ZNF611: variants seen among roughly 807,000 people sequenced by gnomAD.
ZNF611 encodes zinc finger protein 611.
A neutral mutation model predicts 8.9 loss-of-function variants in ZNF611; 6 were observed. That is an observed-to-expected ratio of 0.68 (90% CI 0.37 to 1.34). The LOEUF (loss-of-function observed/expected upper bound fraction) is 1.34. ZNF611 is among the 40% of genes most tolerant of loss of function. ZNF611 has a pLI of 0.02. For missense variants in ZNF611, 874 were observed against 841.3 expected (o/e 1.04, Z -0.48); for synonymous variants, 262 against 279.7 (o/e 0.94, Z 0.63).
intron 1 of ZNF611, among the ~76,000 whole-genome samples, chr19:52,731,363 T>C (rs1365779318): frequency 6.6e-6 from 1 of 151,834 alleles, no homozygotes; most frequent in Non-Finnish European, 1.5e-5. Context: ...GCTTTGATGT[T>C]CCTTTCTTTT....
In ZNF611 at chr19:52,705,038, T is replaced by C. The variant is rs1171348978; in HGVS notation, c.2017A>G (p.Thr673Ala). The C allele has an allele frequency of 6.2e-7, 1 of 1,614,014 alleles. No homozygotes were observed. The highest frequency in any genetic ancestry group is 8.5e-7 in the Non-Finnish European group (1 of 1,179,982). Residue 673 changes from threonine to alanine, a missense_variant, in exon 6 of 6, where the codon ACT (threonine) becomes GCT (alanine). Transcript: ENST00000652185. ...SLLSRHTRIHTAEKPYKCNEC... is the reference protein window; with the variant it reads ...SLLSRHTRIHAAEKPYKCNEC... ...TTACACTTGTAAGGTTTCTCTGCAG[T>C]GTGAATTCTGGTATGTCTTGACAGG...
chr19:52,716,051 T>A, intron 3 of ZNF611, 138 bp from the exon 4 acceptor site: 1 of 967,754 alleles, frequency 1.0e-6, no homozygotes, highest in African/African-American at 1.6e-5. Flanking sequence ...CATGCAGAGA[T>A]AAGGAAGTCC....
intron 2 of ZNF611, among the ~76,000 whole-genome samples, chr19:52,729,492 C>CAAAAAAAAAAAAAAAAAAAAAAAA (rs397859789): frequency 1.2e-3 from 51 of 42,356 alleles, no homozygotes; most frequent in Admixed American, 1.4e-3. Flanking sequence ...GACTCCATCT[C>CAAAAAAAAAAAAAAAAAAAAAAAA]AAAAAAAAAA....
chr19:52,730,390 TCAAAAAAA>T (rs2062418105), intron 1 of ZNF611, among the ~76,000 whole-genome samples: 2 of 27,996 alleles, frequency 7.1e-5, no homozygotes, highest in Middle Eastern at 0.053. Context: ...AGACTCCGTC[TCAAAAAAA>T]AAAAAAAAAA....
intron 3 of ZNF611, 65 bp from the exon 4 acceptor site, chr19:52,715,978 AC>A: frequency 6.3e-7 from 1 of 1,578,862 alleles, no homozygotes; most frequent in African/African-American, 1.3e-5. Flanking sequence ...TGACAAAAAC[AC>A]ACGAACGGGG....
intron 3 of ZNF611, among the ~76,000 whole-genome samples, chr19:52,716,817 G>T (rs546936600): frequency 2.0e-5 from 3 of 152,250 alleles, no homozygotes; most frequent in East Asian, 3.9e-4. Context: ...AGCACTGTGG[G>T]AGGCCAAGGC....
chr19:52,712,059 G>C (rs933639340), intron 5 of ZNF611, among the ~76,000 whole-genome samples: 2 of 152,088 alleles, frequency 1.3e-5, no homozygotes, highest in African/African-American at 4.8e-5. Flanking sequence ...TACAATATGG[G>C]CAAGGGACAA....
rs542030417 is a variant in ZNF611, at chr19:52,718,495, T to C, written c.-19-2582A>G. Reference sequence around the variant, plus strand: ...ACTCCAGCCTGGACAGCAGTAAGAGTGTCTCAAAAAAACAGAAATTAAAGG... The same window carrying C: ...ACTCCAGCCTGGACAGCAGTAAGAGCGTCTCAAAAAAACAGAAATTAAAGG... On this transcript the variant is annotated intron_variant, in intron 3 of 5. Coordinates refer to ENST00000652185, the MANE Select transcript of ZNF611 (RefSeq NM_001161499.2). Among the ~76,000 whole-genome samples the C allele has an allele frequency of 1.5e-4, 23 of 150,804 alleles. No individual in the cohort carries two copies. In the East Asian group the frequency reaches 4.3e-3, roughly 28 times the overall value.
rs1048929870 is a variant in ZNF611 at position 52,735,019 on chromosome 19, A to T, written c.-240T>A. ...AACTCACCGCGGCGATATGACCTAC[A>T]CTCCACCCGATCCGCTTCCGGGTTT... On this transcript the variant is annotated 5_prime_UTR_variant, in exon 1 of 6. Coordinates refer to ENST00000652185, the MANE Select transcript of ZNF611 (RefSeq NM_001161499.2). 2 of 152,496 alleles carry T rather than the reference A, an allele frequency of 1.3e-5. No individual in the cohort carries two copies. Among genetic ancestry groups the T allele is most frequent in the Non-Finnish European group, 2.9e-5 (2 of 68,186 alleles). The allele number at this position is 152,496 out of a possible 1,614,324, so 9.4% of individuals were successfully genotyped here.
chr19:52,714,861 T>C (rs374773733), intron 4 of ZNF611, among the ~76,000 whole-genome samples: 20 of 149,516 alleles, frequency 1.3e-4, no homozygotes, highest in East Asian at 2.0e-4. Context: ...AGCTGGGTGT[T>C]GTGGTGCAGG....
chr19:52,725,011 T>C (rs1218648701), intron 3 of ZNF611, among the ~76,000 whole-genome samples: 1 of 152,156 alleles, frequency 6.6e-6, no homozygotes, highest in Non-Finnish European at 1.5e-5. Flanking sequence ...ATTCTTCTTT[T>C]CTCTGTCTCT....
At chr19:52,707,397 T>C (rs1404295047) in intron 5 of ZNF611, 1 of 151,998 alleles carries the variant, frequency 6.6e-6, no homozygotes, top group African/African-American at 2.4e-5. Context: ...ATTACAAAAA[T>C]TAGCCAGGTA....
intron 3 of ZNF611, among the ~76,000 whole-genome samples, chr19:52,726,695 G>A (rs995573927): frequency 6.6e-6 from 1 of 150,688 alleles, no homozygotes; most frequent in Non-Finnish European, 1.5e-5. Context: ...TGGGATTACA[G>A]GTGTGAGCCA....
Position 52,721,674 on chromosome 19 carries a change from G to C in ZNF611, c.-19-5761C>G, listed in dbSNP as rs561843328. Among the ~76,000 whole-genome samples the C allele has an allele frequency of 2.1e-3, 305 of 145,386 alleles. 2 individuals are homozygous for C. The highest frequency in any genetic ancestry group is 8.2e-3 in the African/African-American group (291 of 35,336). On this transcript the variant is annotated intron_variant, in intron 3 of 5. Transcript: ENST00000652185. ...CAGAGGGAGACCGTGGAAAGTGAGA[G>C]GGGAAAGGGAGAGAGGGAGGGAGAG... is the stretch of plus-strand genomic sequence containing the variant.
intron 2 of ZNF611, among the ~76,000 whole-genome samples, chr19:52,729,337 T>C (rs1183392730): frequency 1.3e-5 from 2 of 150,614 alleles, no homozygotes; most frequent in Non-Finnish European, 3.0e-5. Flanking sequence ...AAGAAAAGAT[T>C]ACAAAATTAG....
In ZNF611 at chr19:52,706,244, C is replaced by T. The variant is rs764119605; in HGVS notation, c.811G>A (p.Glu271Lys). ...CTATCATGGCATGCAAGGTATTGCT[C>T]GTGATTAAAGAGCTTGCCACATACA... ...CDVCGKLFNH[E>K]QYLACHDRCH... The change falls in exon 6 of 6, where the codon GAG becomes AAG. Residue 271 changes from glutamate to lysine, a missense_variant. By Grantham distance (56) the Glu-to-Lys change is moderately conservative (BLOSUM62 1). Coordinates refer to ENST00000652185, the MANE Select transcript of ZNF611 (RefSeq NM_001161499.2). The T allele has an allele frequency of 2.5e-5, 40 of 1,613,936 alleles. No individual in the cohort carries two copies. The highest frequency in any genetic ancestry group is 1.8e-4 in the Admixed American group (11 of 59,982).
At position 52,727,988 on chromosome 19, in the gene ZNF611, C is replaced by T. The variant is rs368119553; in HGVS notation, c.-20+742G>A. Among the ~76,000 whole-genome samples the T allele has an allele frequency of 1.7e-3, 259 of 148,604 alleles. 1 individual carries two copies. Among genetic ancestry groups the T allele is most frequent in the African/African-American group, 6.2e-3 (251 of 40,346 alleles). On this transcript the variant is annotated intron_variant, in intron 3 of 5. Coordinates refer to ENST00000652185, the MANE Select transcript of ZNF611 (RefSeq NM_001161499.2). Reference sequence around the variant, plus strand: ...GCAGTGGTGCAATCTCAGCTCACTGCAACCTCTGCCTCCCAGGTTCAAGCA... The same window carrying T: ...GCAGTGGTGCAATCTCAGCTCACTGTAACCTCTGCCTCCCAGGTTCAAGCA...
chr19:52,716,081 GTA>G, intron 3 of ZNF611, 168 bp from the exon 4 acceptor site: 1 of 731,878 alleles, frequency 1.4e-6, no homozygotes, highest in Admixed American at 2.9e-5. Flanking sequence ...ACCTATGAGT[GTA>G]TATTTGACCC....
intron 1 of ZNF611, among the ~76,000 whole-genome samples, chr19:52,730,207 C>T (rs1265611726): frequency 6.6e-6 from 1 of 151,776 alleles, no homozygotes; most frequent in Non-Finnish European, 1.5e-5. Flanking sequence ...TCCTGGCTAA[C>T]ATGGTGAAAC....
Sources: gnomAD v4.1 joint callset for allele counts (sites outside exome capture counted in the v4.1 genomes callset) on GRCh38, gnomAD v4.1.1 for gene constraint, MANE v1.5 for transcripts, NCBI Gene and HGNC (gene_info 2026-07-23, HGNC 2026-07-21) for gene names.